Variants in GALK2 observed in about 807,000 individuals in gnomAD.
The protein encoded by GALK2 is N-acetylgalactosamine kinase.
In GALK2, 36 loss-of-function variants were observed where a neutral mutation model predicts 52.4. The ratio of observed to expected loss-of-function variants is 0.69; its 90% CI spans 0.53 to 0.91. The LOEUF (loss-of-function observed/expected upper bound fraction) is 0.91, where lower values mean the gene tolerates loss of function less well. Among genes scored for constraint, GALK2 ranks in the 40% least tolerant of loss-of-function variants. The pLI is 0.00. For missense variants in GALK2, 579 were observed against 559.1 expected, an observed-to-expected ratio of 1.04 and a Z score of -0.36; for synonymous variants, 176 against 199.1, an observed-to-expected ratio of 0.88 and a Z score of 0.98.
chr15:49,247,322 C>G (rs2091400441), intron 5 of GALK2, among the ~76,000 whole-genome samples: 1 of 152,008 alleles, frequency 6.6e-6, no homozygotes, highest in Non-Finnish European at 1.5e-5. Flanking sequence ...AATGGAAAAC[C>G]TTTGGAGGGC....
intron 8 of GALK2, among the ~76,000 whole-genome samples, chr15:49,298,031 G>C (rs574807801): frequency 2.5e-4 from 38 of 151,870 alleles, no homozygotes; most frequent in African/African-American, 8.9e-4. Context: ...TGATAATATT[G>C]ATTCTTCAAA....
intron 3 of GALK2, among the ~76,000 whole-genome samples, chr15:49,337,508 C>CTTTTTTTTTTTTTTTTTTTTTTTT (rs33973907): frequency 2.8e-5 from 1 of 36,080 alleles, no homozygotes; most frequent in African/African-American, 1.2e-4. Context: ...CATTTACCCA[C>CTTTTTTTTTTTTTTTTTTTTTTTT]TTTTTTTTTT....
At chr15:49,221,533 G>T (rs928384358) in intron 3 of GALK2, among the ~76,000 whole-genome samples, 4 of 152,042 alleles carry the variant, frequency 2.6e-5, no homozygotes, top group Non-Finnish European at 5.9e-5. Flanking sequence ...TGGGTGTGGT[G>T]GTGCGTGCCT....
rs912585830 is a variant in GALK2 at position 49,307,456 on chromosome 15, G to T, written c.968-12148G>T. On this transcript the variant is annotated intron_variant, in intron 8 of 9. Coordinates refer to ENST00000560031, the MANE Select transcript of GALK2 (RefSeq NM_002044.4). The stretch of plus-strand genomic sequence containing the variant: ...GTATGTATGAGCAGGTTGATTAGAG[G>T]GGAGAGGGATACCAGTTAGAAGGTA... 9.2e-5 allele frequency among the ~76,000 whole-genome samples: 14 copies of T among 152,268 alleles called. No homozygotes were observed. The East Asian group carries it at 2.7e-3, about 29-fold the overall frequency.
intron 3 of GALK2, among the ~76,000 whole-genome samples, chr15:49,344,762 A>G (rs554959673): frequency 5.1e-4 from 78 of 152,268 alleles, no homozygotes; most frequent in African/African-American, 1.9e-3. Context: ...ACTGTGAAGG[A>G]GTCTGGCAGC....
At chr15:49,196,546 G>T (rs8036293) in intron 1 of GALK2, among the ~76,000 whole-genome samples, 10,120 of 152,164 alleles carry the variant, frequency 0.067, 460 homozygotes, top group East Asian at 0.18. Flanking sequence ...CAGTATTTGT[G>T]AATGTTCCAT....
At chr15:49,236,058 T>C (rs547204981) in intron 4 of GALK2, 117 bp downstream of exon 4, 2 of 690,102 alleles carry the variant, frequency 2.9e-6, no homozygotes, top group African/African-American at 3.6e-5. Context: ...ATGCTTCTGT[T>C]CTATTTTGCT....
chr15:49,188,269 C>T (rs2086499523), intron 1 of GALK2, among the ~76,000 whole-genome samples: 1 of 152,136 alleles, frequency 6.6e-6, no homozygotes, highest in Non-Finnish European at 1.5e-5. Flanking sequence ...TGCTTTAGCC[C>T]ATGGTGGTTG....
chr15:49,155,786 G>A (rs2084428947), exon 1 of GALK2: 3 of 678,378 alleles, frequency 4.4e-6, no homozygotes, highest in South Asian at 3.7e-5. Flanking sequence ...AGTGGTTGGT[G>A]CCTTAGCAAC....
At position 49,195,339 on chromosome 15, in the gene GALK2, GGGAT is replaced by G; in HGVS notation, c.54-5822_54-5819del. ...ACCCGCCTCGGCCTCCCAAAGTGCT[GGGAT>G]TACAGGCATGAGCCACAGTGCCCAG... On this transcript the variant is annotated intron_variant, in intron 1 of 9. Coordinates refer to ENST00000560031, the MANE Select transcript of GALK2 (RefSeq NM_002044.4). The G allele has an allele frequency of 1.8e-5, 4 of 223,802 alleles. 1 individual carries two copies. The South Asian group carries it at 1.9e-4, about 10-fold the overall frequency. 13.9% of individuals were successfully genotyped at this position (223,802 alleles called of 1,614,324 possible). A position where few individuals can be genotyped will look rare whatever the true frequency, so the allele number is the denominator to read the frequency against.
Position 49,328,445 on chromosome 15 carries a change from G to T in GALK2, c.*286G>T. The T allele has an allele frequency of 6.9e-7, 1 of 1,459,608 alleles. No homozygotes were observed. The highest frequency in any genetic ancestry group is 2.4e-5 in the East Asian group (1 of 42,490). The allele number at this position is 1,459,608 out of a possible 1,614,324, so 90.4% of individuals were successfully genotyped here. A position where few individuals can be genotyped will look rare whatever the true frequency, so the allele number is the denominator to read the frequency against. On this transcript the variant is annotated 3_prime_UTR_variant, in exon 10 of 10. Transcript: ENST00000560031. ...TGATTTGAAGATTTTAAAGATGAAT[G>T]GTAAAACACACTCTTAATACTGATT...
In GALK2 at chr15:49,328,110, T is replaced by C. The variant is rs781211218; in HGVS notation, c.1328T>C (p.Leu443Ser). ...DGSLAPEKQS[L>S]FATKPGGGAL... The stretch of plus-strand genomic sequence containing the variant: ...AGCTTAGCACCGGAGAAGCAAAGTT[T>C]GTTTGCTACCAAACCTGGAGGTGGG... The change falls in exon 10 of 10, where the codon TTG becomes TCG. Residue 443 changes from leucine (L) to serine (S), a missense_variant. By Grantham distance (145) the Leu-to-Ser change is moderately radical. Transcript: ENST00000560031. The C allele has an allele frequency of 1.9e-6, 3 of 1,614,074 alleles. No individual in the cohort carries two copies. Among genetic ancestry groups the C allele is most frequent in the South Asian group, 2.2e-5 (2 of 91,074 alleles).
chr15:49,266,240 C>G (rs925069336), intron 5 of GALK2, among the ~76,000 whole-genome samples: 1 of 151,998 alleles, frequency 6.6e-6, no homozygotes, highest in Non-Finnish European at 1.5e-5. Context: ...TGTACAAGTG[C>G]TTTTCAAGTT....
chr15:49,294,699 T>TG (rs1338748390), intron 8 of GALK2, among the ~76,000 whole-genome samples: 1 of 152,120 alleles, frequency 6.6e-6, no homozygotes, highest in African/African-American at 2.4e-5. Context: ...AGTGTCTAAT[T>TG]GGGGGAGAGT....
chr15:49,242,524 A>T (rs534793850), intron 5 of GALK2, among the ~76,000 whole-genome samples: 1 of 152,250 alleles, frequency 6.6e-6, no homozygotes, highest in Non-Finnish European at 1.5e-5. Context: ...TGATAAGGAC[A>T]CTAAGTCCCA....
intron 8 of GALK2, among the ~76,000 whole-genome samples, chr15:49,298,432 T>C (rs1004933943): frequency 6.6e-6 from 1 of 152,180 alleles, no homozygotes; most frequent in African/African-American, 2.4e-5. Context: ...CTGATTGCTG[T>C]GGCTAGGACC....
At chr15:49,244,821 A>G (rs1298247492) in intron 5 of GALK2, among the ~76,000 whole-genome samples, 2 of 152,052 alleles carry the variant, frequency 1.3e-5, no homozygotes, top group African/African-American at 2.4e-5. Flanking sequence ...AGAGGGAAAG[A>G]TGGAACTTAT....
intron 3 of GALK2, among the ~76,000 whole-genome samples, chr15:49,220,436 G>A (rs558238870): frequency 2.6e-5 from 4 of 152,052 alleles, no homozygotes; most frequent in Admixed American, 2.0e-4. Flanking sequence ...TTATGGCTGA[G>A]TAGTATTCCA....
chr15:49,224,724 T>C (rs950926873), intron 3 of GALK2, among the ~76,000 whole-genome samples: 2 of 152,350 alleles, frequency 1.3e-5, no homozygotes, highest in African/African-American at 2.4e-5. Context: ...TATGCTGTTT[T>C]GGTTACTATA....
Sources: gnomAD v4.1 joint callset for allele counts (sites outside exome capture counted in the v4.1 genomes callset) on GRCh38, gnomAD v4.1.1 for gene constraint, MANE v1.5 for transcripts, NCBI Gene and HGNC (gene_info 2026-07-23, HGNC 2026-07-21) for gene names.